The following PDZD2 variants were observed in gnomAD, a reference collection of about 807,000 sequenced individuals.
The protein encoded by PDZD2 is PDZ domain-containing protein 2.
Under a neutral mutation model 220.7 loss-of-function variants are expected in PDZD2, and 90 were observed. The ratio of observed to expected loss-of-function variants is 0.41; its 90% CI spans 0.34 to 0.49. The LOEUF (loss-of-function observed/expected upper bound fraction) is 0.49, where lower values mean the gene tolerates loss of function less well. Ranked by LOEUF, PDZD2 falls within the 20% of genes least tolerant of loss-of-function variation. The pLI, the probability that PDZD2 is intolerant of heterozygous loss-of-function variation, is 0.28. For synonymous variants in PDZD2, 1,375 were observed against 1,450.5 expected (o/e 0.95, Z 1.18); for missense variants, 3,174 against 3,608.5 (o/e 0.88, Z 3.08).
chr5:31,823,684 G>C (rs1273087755), intron 2 of PDZD2, among the ~76,000 whole-genome samples: 1 of 152,118 alleles, frequency 6.6e-6, no homozygotes, highest in East Asian at 1.9e-4. Context: ...ATTGAACTCT[G>C]CCATCAAGCG....
intron 2 of PDZD2, among the ~76,000 whole-genome samples, chr5:31,840,267 C>T (rs903948295): frequency 6.9e-5 from 9 of 130,208 alleles, no homozygotes; most frequent in Admixed American, 5.5e-4. Flanking sequence ...ACAAAAAAAC[C>T]ACCTCATTTT....
intron 2 of PDZD2, among the ~76,000 whole-genome samples, chr5:31,851,598 A>T (rs1276409321): frequency 6.6e-6 from 1 of 152,160 alleles, no homozygotes; most frequent in Non-Finnish European, 1.5e-5. Flanking sequence ...AGCAGTTCCC[A>T]CTCAAATTAA....
At chr5:31,887,949 T>A (rs1390731741) in intron 2 of PDZD2, among the ~76,000 whole-genome samples, 2 of 150,672 alleles carry the variant, frequency 1.3e-5, no homozygotes, top group Non-Finnish European at 3.0e-5. Context: ...GGAGTGGGAG[T>A]TGTTCAGCAT....
At chr5:31,743,961 A>G (rs1750427992) in intron 1 of PDZD2, 1 of 152,186 alleles carries the variant, frequency 6.6e-6, no homozygotes, top group African/African-American at 2.4e-5. Flanking sequence ...TCAAATATAG[A>G]GTTTTCTGTC....
At chr5:31,849,328 A>G (rs568219115) in intron 2 of PDZD2, among the ~76,000 whole-genome samples, 7 of 152,284 alleles carry the variant, frequency 4.6e-5, no homozygotes, top group African/African-American at 1.4e-4. Context: ...TTTGTGACTC[A>G]GTTTCCTTGT....
At chr5:31,989,726 G>C (rs943702439) in intron 3 of PDZD2, among the ~76,000 whole-genome samples, 4 of 152,036 alleles carry the variant, frequency 2.6e-5, no homozygotes, top group African/African-American at 7.2e-5. Flanking sequence ...ACCTGGCCTG[G>C]TGTATACCAC....
intron 1 of PDZD2, chr5:31,657,082 A>G (rs915095897): frequency 6.6e-6 from 1 of 152,206 alleles, no homozygotes; most frequent in Non-Finnish European, 1.5e-5. Context: ...AAGCTGGAAA[A>G]TGTCATAAAC....
intron 2 of PDZD2, among the ~76,000 whole-genome samples, chr5:31,842,963 C>A (rs1322682068): frequency 4.6e-5 from 7 of 152,028 alleles, no homozygotes; most frequent in Admixed American, 1.3e-4. Flanking sequence ...CTCACTGCCA[C>A]CTCTGCCTCC....
intron 1 of PDZD2, among the ~76,000 whole-genome samples, chr5:31,781,544 A>G (rs906400745): frequency 6.6e-6 from 1 of 152,152 alleles, no homozygotes; most frequent in Non-Finnish European, 1.5e-5. Flanking sequence ...GTGGTCGCCA[A>G]CTCTATACTT....
At chr5:31,902,554 C>G (rs1561556260) in intron 2 of PDZD2, among the ~76,000 whole-genome samples, 1 of 150,534 alleles carries the variant, frequency 6.6e-6, no homozygotes, top group South Asian at 2.1e-4. Context: ...GCAATTTCAG[C>G]TCACTGCAAC....
chr5:31,811,920 G>A (rs1411918043), intron 2 of PDZD2, among the ~76,000 whole-genome samples: 3 of 152,022 alleles, frequency 2.0e-5, no homozygotes, highest in Non-Finnish European at 4.4e-5. Context: ...AACCCAAGAG[G>A]TGGAAGTTGC....
chr5:31,689,302 CACAT>C (rs1256554509), intron 1 of PDZD2, among the ~76,000 whole-genome samples: 1 of 95,026 alleles, frequency 1.1e-5, no homozygotes, highest in African/African-American at 4.1e-5. Flanking sequence ...TATACATATA[CACAT>C]ACATACATAT....
At chr5:31,757,484 C>A (rs1233799509) in intron 1 of PDZD2, among the ~76,000 whole-genome samples, 1 of 151,674 alleles carries the variant, frequency 6.6e-6, no homozygotes, top group Non-Finnish European at 1.5e-5. Flanking sequence ...CCCAGCTACT[C>A]AAGAGGCTGA....
intron 1 of PDZD2, among the ~76,000 whole-genome samples, chr5:31,731,227 G>C (rs1054936545): frequency 1.3e-5 from 2 of 152,148 alleles, no homozygotes; most frequent in African/African-American, 4.8e-5. Context: ...TGGTTAAGAG[G>C]TTAAGAGGCC....
At chr5:31,979,497 T>C (rs1750095529) in intron 2 of PDZD2, among the ~76,000 whole-genome samples, 2 of 151,630 alleles carry the variant, frequency 1.3e-5, no homozygotes, top group Admixed American at 6.6e-5. Context: ...GGAGAACCCC[T>C]TGAACCCAGG....
intron 6 of PDZD2, among the ~76,000 whole-genome samples, chr5:32,018,709 C>A (rs1753963175): frequency 6.6e-6 from 1 of 152,224 alleles, no homozygotes; most frequent in Non-Finnish European, 1.5e-5. Flanking sequence ...TCTCCCCAAC[C>A]TCAGCCCGGG....
intron 13 of PDZD2, 103 bp downstream of exon 13, chr5:32,059,459 C>T: frequency 1.9e-6 from 1 of 535,052 alleles, no homozygotes; most frequent in Non-Finnish European, 3.3e-6. Context: ...GATGTTGAAG[C>T]TTTGAATTCT....
At chr5:31,821,991 A>G (rs1755899123) in intron 2 of PDZD2, among the ~76,000 whole-genome samples, 1 of 152,116 alleles carries the variant, frequency 6.6e-6, no homozygotes, top group East Asian at 1.9e-4. Flanking sequence ...GATGGTTTCT[A>G]GTTTCATCCA....
intron 1 of PDZD2, among the ~76,000 whole-genome samples, chr5:31,758,474 C>T (rs1168512833): frequency 1.3e-5 from 2 of 152,212 alleles, no homozygotes; most frequent in African/African-American, 4.8e-5. Context: ...GGGGGACAGA[C>T]AGCACATGTG....
Sources: gnomAD v4.1 joint callset for allele counts (sites outside exome capture counted in the v4.1 genomes callset) on GRCh38, gnomAD v4.1.1 for gene constraint, MANE v1.5 for transcripts, NCBI Gene and HGNC (gene_info 2026-07-23, HGNC 2026-07-21) for gene names.